The following ATP11C variants were observed in gnomAD, a reference collection of about 807,000 sequenced individuals.
ATP11C encodes phospholipid-transporting ATPase IG.
In ATP11C, 36 loss-of-function variants were observed where a neutral mutation model predicts 97.4. That is an observed-to-expected ratio of 0.37 (90% confidence interval 0.28 to 0.49). ATP11C has a LOEUF of 0.49. Among genes scored for constraint, ATP11C ranks in the 20% least tolerant of loss-of-function variants. The pLI is 0.98. For synonymous variants in ATP11C, 275 were observed against 290.9 expected (o/e 0.95, Z 0.56); for missense variants, 730 against 824.6 (o/e 0.89, Z 1.40).
chrX:139,765,324 G>C (rs376160129), intron 20 of ATP11C, among the ~76,000 whole-genome samples: 5 of 111,872 alleles, frequency 4.5e-5, no homozygotes, highest in Non-Finnish European at 9.4e-5. Context: ...ACAGATATAA[G>C]GTTTCATCAC....
rs140315105 is a variant in ATP11C, at chrX:139,803,685, C to CTTTTTTTTTTTT, written c.555+774_555+785dup. On this transcript the variant is annotated intron_variant, in intron 6 of 29. Coordinates refer to ENST00000682941, the MANE Select transcript of ATP11C (RefSeq NM_001353812.2). Reference sequence around the variant, plus strand: ...AAACATTTTCCAAACTACACCCTATCTTTTTTTTTTTTTTTTTTTTTTTTT... The same window carrying CTTTTTTTTTTTT: ...AAACATTTTCCAAACTACACCCTATCTTTTTTTTTTTTTTTTTTTTTTTTTTTTTTTTTTTTT... Among the ~76,000 whole-genome samples, 11 of 38,265 alleles carry CTTTTTTTTTTTT rather than the reference C, an allele frequency of 2.9e-4. 3 individuals are homozygous for CTTTTTTTTTTTT. The highest frequency in any genetic ancestry group is 1.2e-3 in the African/African-American group (11 of 9,558). The allele number at this position is 38,265 out of a possible 115,157, so 33.2% of individuals were successfully genotyped here. A position where few individuals can be genotyped will look rare whatever the true frequency, so the allele number is the denominator to read the frequency against.
At chrX:139,832,568 T>C in intron 1 of ATP11C, among the ~76,000 whole-genome samples, 1 of 112,763 alleles carries the variant, frequency 8.9e-6, no homozygotes, top group Non-Finnish European at 1.9e-5. Flanking sequence ...GGGAAGTTCT[T>C]TTCTAATCCC....
intron 1 of ATP11C, among the ~76,000 whole-genome samples, chrX:139,830,285 A>G (rs1472086062): frequency 8.9e-6 from 1 of 112,069 alleles, no homozygotes; most frequent in Non-Finnish European, 1.9e-5. Flanking sequence ...ACAGCTAAGA[A>G]TTACTGCCAC....
chrX:139,782,692 T>C lies in ATP11C; in HGVS notation c.1807A>G (p.Ile603Val), dbSNP rs2082488083. 3 of 1,207,046 alleles carry C rather than the reference T, an allele frequency of 2.5e-6. No homozygotes were observed. Among genetic ancestry groups the C allele is most frequent in the Admixed American group, 2.2e-5 (1 of 45,728 alleles). Reference protein sequence around the residue: ...YRTLCVAFKEIAPDDYERINR... With the variant: ...YRTLCVAFKEVAPDDYERINR... ...ATTCTTTCATAATCATCTGGAGCAA[T>C]TTCTTTGAAGGCTACACAGAGTGTC... is the stretch of plus-strand genomic sequence containing the variant. Residue 603 changes from isoleucine (I) to valine (V), a missense_variant, in exon 18 of 30, where the codon ATT (isoleucine) becomes GTT (valine). Coordinates refer to ENST00000682941, the MANE Select transcript of ATP11C (RefSeq NM_001353812.2).
chrX:139,853,398 C>T (rs1474817491), intron 1 of ATP11C, among the ~76,000 whole-genome samples: 2 of 106,414 alleles, frequency 1.9e-5, no homozygotes, highest in African/African-American at 6.9e-5. Context: ...AGAGAAGAGG[C>T]AAAGAGAGAG....
At chrX:139,738,196 T>A in intron 27 of ATP11C, 127 bp from the exon 28 acceptor site, 1 of 469,475 alleles carries the variant, frequency 2.1e-6, no homozygotes, top group Non-Finnish European at 3.1e-6. Context: ...AAAATAATTT[T>A]CTCTAGAATA....
intron 10 of ATP11C, among the ~76,000 whole-genome samples, 179 bp downstream of exon 10, chrX:139,798,094 G>A (rs2082839351): frequency 2.7e-5 from 3 of 111,992 alleles, no homozygotes; most frequent in South Asian, 7.4e-4. Context: ...TTCTTCAGAG[G>A]ACTAAACCAA....
intron 23 of ATP11C, among the ~76,000 whole-genome samples, chrX:139,756,915 T>C (rs1301157101): frequency 9.9e-6 from 1 of 101,063 alleles, no homozygotes; most frequent in Non-Finnish European, 2.0e-5. Flanking sequence ...ACCAAACTCC[T>C]GTGGCATGAG....
Position 139,760,176 on chromosome X carries a change from A to G in ATP11C, c.2640+1785T>C, listed in dbSNP as rs747686635. Among the ~76,000 whole-genome samples the G allele has an allele frequency of 4.5e-5, 5 of 112,153 alleles. No homozygotes were observed. The South Asian group carries it at 1.1e-3, about 25-fold the overall frequency. ...AAAGGCAAGTTATACCATCTCTCTG[A>G]GCTCTACTTTCCATGTATTTTAAAT... On this transcript the variant is annotated intron_variant, in intron 22 of 29. Coordinates refer to ENST00000682941, the MANE Select transcript of ATP11C (RefSeq NM_001353812.2).
At chrX:139,933,662 C>T (rs984598731), upstream of ATP11C, among the ~76,000 whole-genome samples, 1 of 112,302 alleles carries the variant, frequency 8.9e-6, no homozygotes, top group East Asian at 2.8e-4. Context: ...TCCGCCTCGC[C>T]GCGTTCTCCT....
At position 139,788,223 on chromosome X, in the gene ATP11C, C is replaced by G; in HGVS notation, c.1489G>C (p.Asp497His). Reference sequence around the variant, plus strand: ...GCTCCTTTCACCAAAGCTATTTCATCTGGTGAAGAGGAGATATAGGTTAAT... The same window carrying G: ...GCTCCTTTCACCAAAGCTATTTCATGTGGTGAAGAGGAGATATAGGTTAAT... ...AELTYISSSP[D>H]EIALVKGAKR... Residue 497 changes from aspartate to histidine, a missense_variant, in exon 14 of 30, where the codon GAT becomes CAT. Transcript: ENST00000682941. The G allele has an allele frequency of 8.3e-7, 1 of 1,207,038 alleles. No homozygotes were observed. Among genetic ancestry groups the G allele is most frequent in the Non-Finnish European group, 1.1e-6 (1 of 892,819 alleles).
chrX:139,870,541 T>C (rs759933312), intron 1 of ATP11C, among the ~76,000 whole-genome samples: 16 of 112,292 alleles, frequency 1.4e-4, no homozygotes, highest in African/African-American at 4.8e-4. Flanking sequence ...AGGATGTCTG[T>C]TGACAGCACT....
At chrX:139,782,788 ACACTCTGT>A in intron 17 of ATP11C, 60 bp from the exon 18 acceptor site, 1 of 818,549 alleles carries the variant, frequency 1.2e-6, no homozygotes, top group Non-Finnish European at 1.7e-6. Context: ...AAAAAAAAAC[ACACTCTGT>A]AAATACTCTT....
intron 1 of ATP11C, among the ~76,000 whole-genome samples, chrX:139,885,994 CT>C (rs1287917173): frequency 1.8e-5 from 2 of 111,451 alleles, no homozygotes; most frequent in Non-Finnish European, 3.8e-5. Context: ...ACTCTTAACA[CT>C]CCTACTCAAC....
At chrX:139,848,926 T>TA (rs2083949659) in intron 1 of ATP11C, among the ~76,000 whole-genome samples, 1 of 112,127 alleles carries the variant, frequency 8.9e-6, no homozygotes, top group Non-Finnish European at 1.9e-5. Flanking sequence ...ACCACACTGA[T>TA]AAAAAATTAA....
chrX:139,909,246 C>G (rs1298678706), intron 1 of ATP11C, among the ~76,000 whole-genome samples: 1 of 111,241 alleles, frequency 9.0e-6, no homozygotes, highest in African/African-American at 3.3e-5. Flanking sequence ...ATTCTCCTAC[C>G]TCAGCCTCCC....
At chrX:139,915,462 G>C (rs993513434) in intron 1 of ATP11C, among the ~76,000 whole-genome samples, 1 of 110,959 alleles carries the variant, frequency 9.0e-6, no homozygotes, top group East Asian at 2.8e-4. Flanking sequence ...ATGAGGCCAG[G>C]AGTTTCAGAC....
At chrX:139,909,538 T>TAC (rs371406757) in intron 1 of ATP11C, among the ~76,000 whole-genome samples, 5,006 of 107,858 alleles carry the variant, frequency 0.046, 151 homozygotes, top group African/African-American at 0.1. Flanking sequence ...ACTAAACACA[T>TAC]ACACACACAC....
intron 5 of ATP11C, among the ~76,000 whole-genome samples, chrX:139,807,447 C>G (rs2083069032): frequency 9.0e-6 from 1 of 111,239 alleles, no homozygotes; most frequent in Non-Finnish European, 1.9e-5. Context: ...ACAGAAGAAG[C>G]CAGGCCCATT....
Sources: allele counts gnomAD v4.1 joint callset (sites outside exome capture counted in the v4.1 genomes callset), GRCh38; gene constraint gnomAD v4.1.1; transcripts MANE v1.5; gene names NCBI Gene and HGNC (gene_info 2026-07-23, HGNC 2026-07-21).